FOXP2: variants seen among roughly 807,000 people sequenced by gnomAD.
FOXP2 encodes the protein forkhead box P2, also known as forkhead box protein P2.
Under a neutral mutation model 115.8 loss-of-function variants are expected in FOXP2, and 12 were observed. The observed-to-expected ratio is 0.10, with a 90% CI of 0.07 to 0.17. The LOEUF is 0.17. Among genes scored for constraint, FOXP2 ranks in the 10% least tolerant of loss-of-function variants. FOXP2 has a pLI of 1.00. For missense variants in FOXP2, 629 were observed against 843.5 expected, an observed-to-expected ratio of 0.75 and a Z score of 3.15; for synonymous variants, 328 against 297.7, an observed-to-expected ratio of 1.10 and a Z score of -1.05.
At chr7:114,397,657 T>C (rs1562903579) in intron 2 of FOXP2, among the ~76,000 whole-genome samples, 1 of 151,902 alleles carries the variant, frequency 6.6e-6, no homozygotes, top group Admixed American at 6.6e-5. Context: ...GGACACAAGA[T>C]AAAGAAAGGG....
chr7:114,407,176 T>G (rs150337077), intron 2 of FOXP2, among the ~76,000 whole-genome samples: 17 of 152,136 alleles, frequency 1.1e-4, no homozygotes, highest in African/African-American at 2.6e-4. Flanking sequence ...AAGTTGACAT[T>G]TGTATTCTCG....
At chr7:114,545,294 C>T (rs1799861053) in intron 3 of FOXP2, among the ~76,000 whole-genome samples, 1 of 152,116 alleles carries the variant, frequency 6.6e-6, no homozygotes, top group Non-Finnish European at 1.5e-5. Context: ...GAATCTCATC[C>T]CAGCACTAAC....
intron 2 of FOXP2, among the ~76,000 whole-genome samples, chr7:114,495,480 TCTC>T (rs1436843150): frequency 5.6e-4 from 55 of 98,302 alleles, no homozygotes; most frequent in African/African-American, 1.1e-3. Context: ...TCTTTCTCTC[TCTC>T]TTTTTTTTTT....
rs1489253950 is a variant in FOXP2 at position 114,155,431 on chromosome 7, C to A, written c.-246-7513C>A. Among the ~76,000 whole-genome samples, 3 of 152,024 alleles carry A rather than the reference C, an allele frequency of 2.0e-5. No individual in the cohort carries two copies. The South Asian group carries it at 6.2e-4, about 32-fold the overall frequency. ...TAGCATCACATGACAGATAGCAGAC[C>A]CTTAAAATAATTAAAGTGTTTTACC... is the stretch of plus-strand genomic sequence containing the variant. On this transcript the variant is annotated intron_variant, in intron 1 of 19. Transcript: ENST00000635638.
chr7:114,631,882 T>C (rs1804943277), intron 6 of FOXP2, among the ~76,000 whole-genome samples, 177 bp downstream of exon 6: 1 of 152,238 alleles, frequency 6.6e-6, no homozygotes, highest in Non-Finnish European at 1.5e-5. Flanking sequence ...AATTTTACCA[T>C]ATACTGCTTT....
intron 2 of FOXP2, among the ~76,000 whole-genome samples, chr7:114,494,923 C>T (rs1797241184): frequency 6.6e-6 from 1 of 152,140 alleles, no homozygotes; most frequent in Admixed American, 6.6e-5. Flanking sequence ...GTTTTCATTG[C>T]TTACATTTTT....
At chr7:114,127,794 A>ATG (rs1181353540) in intron 1 of FOXP2, among the ~76,000 whole-genome samples, 5 of 152,182 alleles carry the variant, frequency 3.3e-5, no homozygotes, top group Admixed American at 2.6e-4. Flanking sequence ...TTTAAAAAGA[A>ATG]TGTAAAGTCA....
intron 1 of FOXP2, among the ~76,000 whole-genome samples, chr7:114,247,851 A>T (rs552548217): frequency 2.2e-4 from 34 of 152,230 alleles, no homozygotes; most frequent in Non-Finnish European, 1.5e-5. Flanking sequence ...TGGGTATATT[A>T]GTCGGGGTTC....
chr7:114,582,973 C>T (rs1261767279), intron 3 of FOXP2, among the ~76,000 whole-genome samples: 1 of 152,068 alleles, frequency 6.6e-6, no homozygotes, highest in Non-Finnish European at 1.5e-5. Context: ...TATTTTCTTG[C>T]TGTTTATGAA....
rs536031258 is a variant in FOXP2 at position 114,592,327 on chromosome 7, A to G, written c.259-36213A>G. Among the ~76,000 whole-genome samples, 3 of 152,136 alleles carry G rather than the reference A, an allele frequency of 2.0e-5. No individual in the cohort carries two copies. The East Asian group carries it at 5.8e-4, about 29-fold the overall frequency. ...TTATTTTGAATTCTCCCCATATGCT[A>G]TTAGGTCACTAGAGTAGTATGTTGT... On this transcript the variant is annotated intron_variant, in intron 3 of 16. Coordinates refer to ENST00000350908, the MANE Select transcript of FOXP2 (RefSeq NM_014491.4).
intron 2 of FOXP2, among the ~76,000 whole-genome samples, chr7:114,514,712 T>C (rs1263588794): frequency 1.3e-5 from 2 of 151,436 alleles, no homozygotes; most frequent in Admixed American, 6.6e-5. Flanking sequence ...TTTTTTATAT[T>C]TTCTTTTTCT....
chr7:114,563,373 G>A (rs1800847640), intron 3 of FOXP2, among the ~76,000 whole-genome samples: 2 of 152,116 alleles, frequency 1.3e-5, no homozygotes, highest in South Asian at 2.1e-4. Context: ...TCTTCTTTGT[G>A]TTTTGTTGTC....
intron 2 of FOXP2, among the ~76,000 whole-genome samples, chr7:114,343,555 C>T (rs1390730939): frequency 2.7e-5 from 4 of 150,326 alleles, no homozygotes; most frequent in Non-Finnish European, 5.9e-5. Context: ...AAAATGAAAC[C>T]AATAATGATT....
intron 2 of FOXP2, among the ~76,000 whole-genome samples, chr7:114,508,873 A>C (rs1345606916): frequency 1.3e-5 from 2 of 152,052 alleles, no homozygotes; most frequent in African/African-American, 4.8e-5. Flanking sequence ...AATATTAAGG[A>C]AGCAGTATTG....
chr7:114,256,739 C>A (rs1795623097), intron 1 of FOXP2, among the ~76,000 whole-genome samples: 1 of 152,058 alleles, frequency 6.6e-6, no homozygotes, highest in Non-Finnish European at 1.5e-5. Flanking sequence ...GCTTTTGTTG[C>A]AATTGTTTTT....
chr7:114,203,466 A>G (rs1029740506), intron 1 of FOXP2, among the ~76,000 whole-genome samples: 6 of 152,050 alleles, frequency 3.9e-5, no homozygotes, highest in African/African-American at 1.4e-4. Context: ...CTTAGTAGCT[A>G]GGACTACAAG....
chr7:114,250,538 G>A (rs892667143), intron 1 of FOXP2, among the ~76,000 whole-genome samples: 17 of 152,178 alleles, frequency 1.1e-4, no homozygotes, highest in Non-Finnish European at 2.1e-4. Context: ...GCATTTCCCT[G>A]ATGGCCAGTG....
intron 1 of FOXP2, among the ~76,000 whole-genome samples, chr7:114,131,583 A>G (rs1170628178): frequency 2.0e-5 from 3 of 152,172 alleles, no homozygotes; most frequent in Non-Finnish European, 4.4e-5. Context: ...ATATGAAAAG[A>G]GAAATGTGTA....
chr7:114,567,052 A>G (rs1411691620), intron 3 of FOXP2, among the ~76,000 whole-genome samples: 1 of 152,080 alleles, frequency 6.6e-6, no homozygotes, highest in Non-Finnish European at 1.5e-5. Context: ...CTTTACTCAT[A>G]TAGGAGAGTC....
Sources: gnomAD v4.1 joint callset for allele counts (sites outside exome capture counted in the v4.1 genomes callset) on GRCh38, gnomAD v4.1.1 for gene constraint, MANE v1.5 for transcripts, NCBI Gene and HGNC (gene_info 2026-07-23, HGNC 2026-07-21) for gene names.